The following PGPEP1L variants were observed in gnomAD, a reference collection of about 807,000 sequenced individuals.
The protein encoded by PGPEP1L is pyroglutamyl-peptidase 1-like protein.
In PGPEP1L, 7 loss-of-function variants were observed where a neutral mutation model predicts 6.0. That is an observed-to-expected ratio of 1.17 (90% CI 0.66 to 2.19). The LOEUF is 2.19. Among genes scored for constraint, PGPEP1L ranks in the 30% most tolerant of loss-of-function variants. The probability of loss-of-function intolerance (pLI) is 0.00; values close to 1 mark genes in which losing one functional copy is unlikely to be tolerated. For synonymous variants in PGPEP1L, 103 were observed against 83.9 expected, an observed-to-expected ratio of 1.23 and a Z score of -1.24; for missense variants, 209 against 192.5, an observed-to-expected ratio of 1.09 and a Z score of -0.51.
rs116234321 is a variant in PGPEP1L at position 98,988,390 on chromosome 15, C to A, written c.-142+17039G>T. 1.6e-3 allele frequency among the ~76,000 whole-genome samples: 241 copies of A among 152,248 alleles called. 2 individuals are homozygous for A. The highest frequency in any genetic ancestry group is 5.5e-3 in the African/African-American group (228 of 41,560). On this transcript the variant is annotated intron_variant, in intron 2 of 4. Transcript: ENST00000535714. The stretch of plus-strand genomic sequence containing the variant: ...AAGCCACCGGGAAGTTCAAACTGGG[C>A]ACAGCTCATCACAGCTCAGCAAGGC...
chr15:98,996,115 G>A (rs1172303062), intron 2 of PGPEP1L, among the ~76,000 whole-genome samples: 6 of 152,070 alleles, frequency 3.9e-5, no homozygotes, highest in African/African-American at 1.2e-4. Flanking sequence ...TATTTCATAT[G>A]TAGTTATGCT....
At chr15:98,995,925 T>C (rs2017881398) in intron 2 of PGPEP1L, among the ~76,000 whole-genome samples, 1 of 152,204 alleles carries the variant, frequency 6.6e-6, no homozygotes, top group African/African-American at 2.4e-5. Context: ...AATCTTACCA[T>C]ATGTAGTCTT....
intron 2 of PGPEP1L, among the ~76,000 whole-genome samples, chr15:98,994,208 G>A (rs914129139): frequency 6.6e-6 from 1 of 152,122 alleles, no homozygotes; most frequent in Non-Finnish European, 1.5e-5. Context: ...GGAGGTTGCA[G>A]TGAGCCAAGA....
chr15:99,000,940 G>C (rs542180525), intron 2 of PGPEP1L, among the ~76,000 whole-genome samples: 6 of 152,072 alleles, frequency 3.9e-5, no homozygotes, highest in African/African-American at 1.2e-4. Context: ...CTGCCTTTAT[G>C]AGCTGTAACT....
chr15:98,978,292 CCT>C (rs1379053287), intron 2 of PGPEP1L, among the ~76,000 whole-genome samples: 5 of 152,150 alleles, frequency 3.3e-5, no homozygotes, highest in Admixed American at 6.5e-5. Context: ...TCGGGGCACC[CCT>C]GAGAGGTGCA....
At chr15:98,979,048 TA>T (rs753981003) in intron 2 of PGPEP1L, among the ~76,000 whole-genome samples, 11,684 of 146,010 alleles carry the variant, frequency 0.08, 571 homozygotes, top group African/African-American at 0.15. Flanking sequence ...TATATATATA[TA>T]TTTTTATTAC....
chr15:98,975,089 T>G (rs779988056), intron 2 of PGPEP1L, among the ~76,000 whole-genome samples: 9 of 152,194 alleles, frequency 5.9e-5, no homozygotes, highest in Non-Finnish European at 1.2e-4. Flanking sequence ...AATGAATGAA[T>G]GAATGGATAC....
At chr15:99,007,020 T>G (rs561337293) in intron 1 of PGPEP1L, among the ~76,000 whole-genome samples, 1 of 152,120 alleles carries the variant, frequency 6.6e-6, no homozygotes, top group Non-Finnish European at 1.5e-5. Context: ...CCTCCTGATA[T>G]AAAGCGCTCC....
chr15:99,007,146 G>A (rs189717061), intron 1 of PGPEP1L, among the ~76,000 whole-genome samples: 8 of 152,202 alleles, frequency 5.3e-5, no homozygotes, highest in African/African-American at 1.4e-4. Context: ...CCTCTTCACT[G>A]CCAACAGGTG....
chr15:98,996,922 C>T (rs2017896850), intron 2 of PGPEP1L, among the ~76,000 whole-genome samples: 1 of 152,138 alleles, frequency 6.6e-6, no homozygotes, highest in Non-Finnish European at 1.5e-5. Context: ...AAGGGGTTTA[C>T]ATGTGTTAAC....
intron 2 of PGPEP1L, 42 bp from the exon 3 acceptor site, chr15:98,971,200 GGGGGGGGGGGT>G (rs771162428): frequency 1.5e-4 from 49 of 329,314 alleles, no homozygotes; most frequent in South Asian, 1.9e-4. Flanking sequence ...TTGATGGGGG[GGGGGGGGGGGT>G]GGGCACCAAG....
chr15:99,006,963 G>A (rs2018078366), intron 1 of PGPEP1L, among the ~76,000 whole-genome samples: 1 of 152,200 alleles, frequency 6.6e-6, no homozygotes, highest in South Asian at 2.1e-4. Flanking sequence ...GGCCTCTAGA[G>A]AGCTCAGTGT....
intron 2 of PGPEP1L, among the ~76,000 whole-genome samples, chr15:98,973,990 T>G (rs1283633671): frequency 6.6e-6 from 1 of 152,138 alleles, no homozygotes; most frequent in Non-Finnish European, 1.5e-5. Flanking sequence ...ATACATAAAA[T>G]TTGATATGAA....
At chr15:98,993,993 C>A (rs1276379114) in intron 2 of PGPEP1L, among the ~76,000 whole-genome samples, 1 of 152,156 alleles carries the variant, frequency 6.6e-6, no homozygotes, top group African/African-American at 2.4e-5. Flanking sequence ...TTTGGCCTGG[C>A]ACAGTGACTC....
intron 2 of PGPEP1L, among the ~76,000 whole-genome samples, chr15:98,978,523 A>G (rs1567236250): frequency 2.0e-5 from 3 of 152,142 alleles, no homozygotes; most frequent in African/African-American, 7.2e-5. Flanking sequence ...TGGAGATGAG[A>G]AAAGGTTTGC....
chr15:98,969,321 TG>T, intron 4 of PGPEP1L, 103 bp downstream of exon 4: 1 of 1,443,586 alleles, frequency 6.9e-7, no homozygotes, highest in Non-Finnish European at 9.6e-7. Context: ...CATGGCCAAG[TG>T]GCCAGCTGGA....
chr15:98,969,474 G>A lies in PGPEP1L; in HGVS notation c.160C>T (p.Arg54Cys), dbSNP rs775478114. 3.2e-5 allele frequency: 52 copies of A among 1,613,910 alleles called. No homozygotes were observed. The highest frequency in any genetic ancestry group is 4.1e-5 in the Non-Finnish European group (48 of 1,179,918). Residue 54 changes from arginine (R) to cysteine (C), a missense_variant, in exon 4 of 5, where the codon CGC becomes TGC. Coordinates refer to ENST00000535714, the MANE Select transcript of PGPEP1L (RefSeq NM_001167902.2). Reference protein sequence around the residue: ...SGVCMKAVCKRVAVEGVDVIF... With the variant: ...SGVCMKAVCKCVAVEGVDVIF... ...ACGTCGACACCCTCCACAGCTACGC[G>A]CTTGCAGACTGCCTTCATGCAGACC...
At chr15:99,005,236 G>A (rs569585269) in intron 2 of PGPEP1L, among the ~76,000 whole-genome samples, 193 bp downstream of exon 2, 2 of 152,212 alleles carry the variant, frequency 1.3e-5, no homozygotes, top group East Asian at 1.9e-4. Context: ...AAGCAGAAAT[G>A]CCTGTGATCC....
intron 2 of PGPEP1L, among the ~76,000 whole-genome samples, chr15:99,000,270 G>T (rs929740013): frequency 6.6e-6 from 1 of 152,324 alleles, no homozygotes; most frequent in East Asian, 1.9e-4. Flanking sequence ...CCTGCAGCCC[G>T]CCATGCCGGA....
Sources: allele counts gnomAD v4.1 joint callset (sites outside exome capture counted in the v4.1 genomes callset), GRCh38; gene constraint gnomAD v4.1.1; transcripts MANE v1.5; gene names NCBI Gene and HGNC (gene_info 2026-07-23, HGNC 2026-07-21).